Variants in HPSE2 observed in about 807,000 individuals in gnomAD.
The protein encoded by HPSE2 is inactive heparanase-2.
A neutral mutation model predicts 60.5 loss-of-function variants in HPSE2; 38 were observed. That is an observed-to-expected ratio of 0.63 (90% CI 0.48 to 0.82). The LOEUF (loss-of-function observed/expected upper bound fraction) is 0.82. Among genes scored for constraint, HPSE2 ranks in the 40% least tolerant of loss-of-function variants. The pLI is 0.00. For synonymous variants in HPSE2, 295 were observed against 293.2 expected, an observed-to-expected ratio of 1.01 and a Z score of -0.06; for missense variants, 713 against 740.4, an observed-to-expected ratio of 0.96 and a Z score of 0.43.
At chr10:99,211,582 A>T (rs577208337) in intron 2 of HPSE2, among the ~76,000 whole-genome samples, 2 of 152,306 alleles carry the variant, frequency 1.3e-5, no homozygotes, top group East Asian at 3.9e-4. Flanking sequence ...CTGATTTTTG[A>T]CAAAATTGCC....
chr10:98,769,531 A>G (rs957883803), intron 3 of HPSE2, among the ~76,000 whole-genome samples: 3 of 152,126 alleles, frequency 2.0e-5, no homozygotes, highest in African/African-American at 4.8e-5. Flanking sequence ...TTGACTTAAA[A>G]CCATTTTGGC....
intron 9 of HPSE2, among the ~76,000 whole-genome samples, chr10:98,492,987 C>G (rs1048867365): frequency 1.3e-5 from 2 of 152,182 alleles, no homozygotes; most frequent in Admixed American, 1.3e-4. Flanking sequence ...CTTCATTCCC[C>G]CTCCCCCAAT....
At chr10:98,597,557 G>C (rs1474068789) in intron 9 of HPSE2, among the ~76,000 whole-genome samples, 1 of 151,762 alleles carries the variant, frequency 6.6e-6, no homozygotes, top group Non-Finnish European at 1.5e-5. Context: ...TGTAGTCCCA[G>C]CTACTTGGGA....
chr10:98,720,190 TTAA>T (rs1306110599), intron 5 of HPSE2, among the ~76,000 whole-genome samples: 1 of 152,056 alleles, frequency 6.6e-6, no homozygotes, highest in Admixed American at 6.6e-5. Flanking sequence ...ATTACAGTAC[TTAA>T]TAACGAATTG....
At chr10:98,833,048 T>C (rs1415150069) in intron 3 of HPSE2, among the ~76,000 whole-genome samples, 1 of 152,236 alleles carries the variant, frequency 6.6e-6, no homozygotes, top group Non-Finnish European at 1.5e-5. Flanking sequence ...ATCTTGTTCT[T>C]ACTTTTACAG....
chr10:99,177,397 A>G (rs1847568637), intron 2 of HPSE2, among the ~76,000 whole-genome samples: 1 of 152,186 alleles, frequency 6.6e-6, no homozygotes, highest in East Asian at 1.9e-4. Flanking sequence ...AAAGACACAC[A>G]CAGACTCAAA....
At chr10:99,163,549 T>C (rs1207537589) in intron 2 of HPSE2, among the ~76,000 whole-genome samples, 1 of 152,202 alleles carries the variant, frequency 6.6e-6, no homozygotes, top group Non-Finnish European at 1.5e-5. Context: ...TTGGTTTATA[T>C]TTTTATTGCA....
chr10:99,250,669 T>C, the HPSE2 span, among the ~76,000 whole-genome samples: 1 of 152,096 alleles, frequency 6.6e-6, no homozygotes, highest in African/African-American at 2.4e-5. Flanking sequence ...TGGACCACAG[T>C]GGAATAAAAA....
intron 3 of HPSE2, among the ~76,000 whole-genome samples, chr10:99,140,237 TAAAGCC>T (rs1286454542): frequency 6.6e-6 from 1 of 152,186 alleles, no homozygotes; most frequent in Non-Finnish European, 1.5e-5. Context: ...AGTAACACTA[TAAAGCC>T]AACCATTGGA....
At chr10:98,863,911 T>C (rs139145452) in intron 3 of HPSE2, among the ~76,000 whole-genome samples, 2 of 152,224 alleles carry the variant, frequency 1.3e-5, no homozygotes, top group East Asian at 3.9e-4. Context: ...ATCATAAATA[T>C]ACTCAAGAAG....
chr10:99,258,590 A>T, the HPSE2 span, among the ~76,000 whole-genome samples: 1 of 152,212 alleles, frequency 6.6e-6, no homozygotes, highest in South Asian at 2.1e-4. Flanking sequence ...AGTCTGAAAA[A>T]GGACAAATTT....
chr10:98,667,104 AAATAG>A (rs1173259485), intron 6 of HPSE2, among the ~76,000 whole-genome samples: 5 of 152,092 alleles, frequency 3.3e-5, no homozygotes, highest in East Asian at 1.9e-4. Context: ...AATCCCACAG[AAATAG>A]AATAGAATAG....
chr10:98,573,763 G>C lies in HPSE2; in HGVS notation c.1320+41141C>G, dbSNP rs575717516. Among the ~76,000 whole-genome samples, 8 of 152,302 alleles carry C rather than the reference G, an allele frequency of 5.3e-5. No individual in the cohort carries two copies. The South Asian group carries it at 1.7e-3, about 32-fold the overall frequency. ...AGAATATGCTAGCTGTATAGATGAG[G>C]AGCAGAGGTTAAAAACCACGAGCAC... is the stretch of plus-strand genomic sequence containing the variant. On this transcript the variant is annotated intron_variant, in intron 9 of 11. Coordinates refer to ENST00000370552, the MANE Select transcript of HPSE2 (RefSeq NM_021828.5).
Position 98,591,796 on chromosome 10 carries a change from G to A in HPSE2, c.1320+23108C>T, listed in dbSNP as rs144264084. Among the ~76,000 whole-genome samples the A allele has an allele frequency of 2.5e-3, 382 of 152,104 alleles. 1 individual carries two copies. The highest frequency in any genetic ancestry group is 8.8e-3 in the African/African-American group (367 of 41,490). The stretch of plus-strand genomic sequence containing the variant: ...CATTTCCTTGGCATTAGAGCATTTC[G>A]TCTTCATTTCAATGTATCAGCGCAC... On this transcript the variant is annotated intron_variant, in intron 9 of 11. Transcript: ENST00000370552.
At chr10:98,545,385 T>C (rs1280344031) in intron 9 of HPSE2, among the ~76,000 whole-genome samples, 2 of 152,108 alleles carry the variant, frequency 1.3e-5, no homozygotes, top group Non-Finnish European at 2.9e-5. Flanking sequence ...CCTTGATGAA[T>C]ATTGATGCAA....
intron 3 of HPSE2, among the ~76,000 whole-genome samples, chr10:99,092,322 T>C (rs1284929798): frequency 6.6e-6 from 1 of 152,220 alleles, no homozygotes; most frequent in Non-Finnish European, 1.5e-5. Context: ...AAGAGTTTAC[T>C]ATGTGATAGA....
At chr10:99,038,961 A>T (rs1448304455) in intron 3 of HPSE2, among the ~76,000 whole-genome samples, 2 of 152,194 alleles carry the variant, frequency 1.3e-5, no homozygotes, top group Non-Finnish European at 2.9e-5. Flanking sequence ...AAACCAGAAC[A>T]GAAGCCCATA....
chr10:99,227,820 T>C (rs150115823), intron 2 of HPSE2, among the ~76,000 whole-genome samples: 96 of 148,796 alleles, frequency 6.5e-4, no homozygotes, highest in Middle Eastern at 3.6e-3. Flanking sequence ...TATATGTATA[T>C]ATATAAAGTT....
At chr10:98,696,637 A>C (rs1225793059) in intron 5 of HPSE2, among the ~76,000 whole-genome samples, 1 of 152,238 alleles carries the variant, frequency 6.6e-6, no homozygotes, top group East Asian at 1.9e-4. Context: ...ACAGCCACTA[A>C]GCTAGAGTCT....
Sources: allele counts gnomAD v4.1 joint callset (sites outside exome capture counted in the v4.1 genomes callset), GRCh38; gene constraint gnomAD v4.1.1; transcripts MANE v1.5; gene names NCBI Gene and HGNC (gene_info 2026-07-23, HGNC 2026-07-21).